Variants in TEX46 observed in about 807,000 individuals in gnomAD.
TEX46 encodes testis expressed 46.
TEX46 carries 6 observed loss-of-function variants against 5.3 expected under a neutral mutation model. The observed-to-expected ratio is 1.13, with a 90% CI of 0.62 to 2.23. TEX46 has a LOEUF of 2.23. Among genes scored for constraint, TEX46 ranks in the 30% most tolerant of loss-of-function variants. TEX46 has a pLI of 0.00. For missense variants in TEX46, 131 were observed against 150.9 expected, an observed-to-expected ratio of 0.87 and a Z score of 0.69; for synonymous variants, 41 against 54.6, an observed-to-expected ratio of 0.75 and a Z score of 1.10.
chr1:23,015,141 T>G (rs895751307), intron 1 of TEX46, among the ~76,000 whole-genome samples: 10 of 150,258 alleles, frequency 6.7e-5, no homozygotes, highest in African/African-American at 2.2e-4. Flanking sequence ...CCGTGCCCAG[T>G]GAAGACATCA....
rs1641384476 is a variant in TEX46 at position 23,013,876 on chromosome 1, T to C, written c.165+7A>G. 1.3e-6 allele frequency: 2 copies of C among 1,535,700 alleles called. No individual in the cohort carries two copies. Among genetic ancestry groups the C allele is most frequent in the Non-Finnish European group, 1.7e-6 (2 of 1,146,716 alleles). ...TGAGCTGAAGCCAAGCCCCATCTTG[T>C]GCTCACCTGCTGGGGCTCTGGGAGG... is the stretch of plus-strand genomic sequence containing the variant. On this transcript the variant is annotated splice_region_variant and intron_variant, in intron 2 of 2. Coordinates refer to ENST00000566855, the MANE Select transcript of TEX46 (RefSeq NM_001242521.2).
In TEX46 at chr1:23,015,846, C is replaced by A; in HGVS notation, c.-73G>T. 1.5e-6 allele frequency: 1 copy of A among 664,684 alleles called. No homozygotes were observed. The highest frequency in any genetic ancestry group is 2.7e-6 in the Non-Finnish European group (1 of 370,950). 41.2% of individuals were successfully genotyped at this position (664,684 alleles called of 1,614,324 possible). On this transcript the variant is annotated 5_prime_UTR_variant, in exon 1 of 3. Transcript: ENST00000566855. ...GGCTGCCAGGGTCTGGAAGGAGGGGCAAATGTAGTCATTGTTTAATGTATA... is the reference window on the plus strand; with the variant it reads ...GGCTGCCAGGGTCTGGAAGGAGGGGAAAATGTAGTCATTGTTTAATGTATA...
intron 2 of TEX46, among the ~76,000 whole-genome samples, chr1:23,012,437 T>C (rs1641364580): frequency 6.6e-6 from 1 of 151,942 alleles, no homozygotes; most frequent in South Asian, 2.1e-4. Flanking sequence ...AATACTCATA[T>C]TCCCATATCA....
chr1:23,010,865 G>C lies in TEX46; in HGVS notation c.*36C>G. The C allele has an allele frequency of 6.8e-7, 1 of 1,473,032 alleles. No individual in the cohort carries two copies. The highest frequency in any genetic ancestry group is 9.1e-7 in the Non-Finnish European group (1 of 1,095,584). The allele number at this position is 1,473,032 out of a possible 1,614,324, so 91.2% of individuals were successfully genotyped here. ...GTGACTGGGTTTTACTGAGGTAAAA[G>C]GTAACATCGGCAGAGGCCAGCCCGC... is the stretch of plus-strand genomic sequence containing the variant. On this transcript the variant is annotated 3_prime_UTR_variant, in exon 3 of 3. Transcript: ENST00000566855.
intron 1 of TEX46, 73 bp from the exon 2 acceptor site, chr1:23,014,118 C>A: frequency 6.8e-7 from 1 of 1,475,556 alleles, no homozygotes; most frequent in Non-Finnish European, 9.0e-7. Context: ...GCCTCAGGCC[C>A]CTCCATGACA....
rs1367255807 is a variant in TEX46 at position 23,014,057 on chromosome 1, T to C, written c.3-12A>G. 1 of 1,535,018 alleles carries C rather than the reference T, an allele frequency of 6.5e-7. No homozygotes were observed. The highest frequency in any genetic ancestry group is 1.4e-5 in the African/African-American group (1 of 73,104). ...TCCCATGGAGACTCCTAAAGAGAAATATCAGTTCTGCCAGCATTATGGCGT... is the reference window on the plus strand; with the variant it reads ...TCCCATGGAGACTCCTAAAGAGAAACATCAGTTCTGCCAGCATTATGGCGT... On this transcript the variant is annotated splice_polypyrimidine_tract_variant and intron_variant, in intron 1 of 2. Coordinates refer to ENST00000566855, the MANE Select transcript of TEX46 (RefSeq NM_001242521.2).
At chr1:23,013,077 C>T (rs1409335164) in intron 2 of TEX46, among the ~76,000 whole-genome samples, 2 of 152,030 alleles carry the variant, frequency 1.3e-5, no homozygotes, top group African/African-American at 4.8e-5. Flanking sequence ...GTTGCCTGGG[C>T]TATTCTCAAA....
chr1:23,011,046 T>C lies in TEX46; in HGVS notation c.221A>G (p.Asn74Ser). The change falls in exon 3 of 3, where the codon AAT becomes AGT. Residue 74 changes from asparagine to serine, a missense_variant. By Grantham distance (46) the Asn-to-Ser change is conservative. Transcript: ENST00000566855. ...TTTATTCCATATGATGAACATCTGA[T>C]TTTCTAGGACCTTCATCTTCATTTC... Reference protein sequence around the residue: ...FSEMKMKVLENQMFIIWNKMN... With the variant: ...FSEMKMKVLESQMFIIWNKMN... 1.3e-6 allele frequency: 2 copies of C among 1,536,044 alleles called. No homozygotes were observed. Among genetic ancestry groups the C allele is most frequent in the Non-Finnish European group, 1.7e-6 (2 of 1,146,854 alleles).
chr1:23,010,924 A>T lies in TEX46; in HGVS notation c.343T>A (p.Cys115Ser). ...HESICPTLSDCTSSSPS is the reference protein window; with the variant it reads ...HESICPTLSDSTSSSPS ...CATTAGCTGGGGGAACTCGAAGTAC[A>T]GTCAGACAGGGTGGGGCAAATTGAC... Residue 115 changes from cysteine (C) to serine (S), a missense_variant, in exon 3 of 3, where the codon TGT (cysteine) becomes AGT (serine). Transcript: ENST00000566855. 6.5e-7 allele frequency: 1 copy of T among 1,529,178 alleles called. No individual in the cohort carries two copies. Among genetic ancestry groups the T allele is most frequent in the Admixed American group, 2.0e-5 (1 of 50,906 alleles). 94.7% of individuals were successfully genotyped at this position (1,529,178 alleles called of 1,614,324 possible). A position where few individuals can be genotyped will look rare whatever the true frequency, so the allele number is the denominator to read the frequency against.
At chr1:23,013,307 G>A (rs1429172285) in intron 2 of TEX46, among the ~76,000 whole-genome samples, 2 of 152,064 alleles carry the variant, frequency 1.3e-5, no homozygotes, top group Non-Finnish European at 2.9e-5. Flanking sequence ...TGAGTAGCTG[G>A]TATTACAGGT....
In TEX46 at chr1:23,011,044, G is replaced by A. The variant is rs1641346332; in HGVS notation, c.223C>T (p.Gln75Ter). ...ATTTTATTCCATATGATGAACATCT[G>A]ATTTTCTAGGACCTTCATCTTCATT... is the stretch of plus-strand genomic sequence containing the variant. The part of the protein sequence containing the change: ...SEMKMKVLEN[Q>*]MFIIWNKMNH... The change falls in exon 3 of 3, where the codon CAG becomes TAG. Residue 75 changes from glutamine (Q) to a stop codon, truncating the protein, a stop_gained. Transcript: ENST00000566855. LOFTEE classifies it low-confidence loss of function (END_TRUNC). 6.5e-7 allele frequency: 1 copy of A among 1,535,986 alleles called. No homozygotes were observed. Among genetic ancestry groups the A allele is most frequent in the Middle Eastern group, 1.7e-4 (1 of 5,990 alleles).
At position 23,013,953 on chromosome 1, in the gene TEX46, A is replaced by C. The variant is rs887422534; in HGVS notation, c.95T>G (p.Phe32Cys). The change falls in exon 2 of 3, where the codon TTC (phenylalanine) becomes TGC (cysteine). Residue 32 changes from phenylalanine (F) to cysteine (C), a missense_variant. Phe to Cys is a radical substitution (Grantham distance 205). Transcript: ENST00000566855. ...CCAGTTGCTAAGCAACAGCAGAAGG[A>C]ATAGGAACCCAAACAAGGCTGGCTT... ...SYKPALFGFL[F>C]LLLLLSNWLV... The C allele has an allele frequency of 1.3e-6, 2 of 1,536,112 alleles. No individual in the cohort carries two copies. Among genetic ancestry groups the C allele is most frequent in the Non-Finnish European group, 1.7e-6 (2 of 1,146,886 alleles).
Position 23,012,242 on chromosome 1 carries a change from C to G in TEX46, c.166-1141G>C, listed in dbSNP as rs1641361032. Among the ~76,000 whole-genome samples the G allele has an allele frequency of 2.6e-5, 4 of 151,862 alleles. No homozygotes were observed. The South Asian group carries it at 8.3e-4, about 31-fold the overall frequency. On this transcript the variant is annotated intron_variant, in intron 2 of 2. Coordinates refer to ENST00000566855, the MANE Select transcript of TEX46 (RefSeq NM_001242521.2). ...CCTGTAGTCCCAGCTACTTGGGAGG[C>G]TGAGGTGGAAGGATCACCTGATCCC...
At chr1:23,012,544 T>A (rs1389154432) in intron 2 of TEX46, among the ~76,000 whole-genome samples, 2 of 152,236 alleles carry the variant, frequency 1.3e-5, no homozygotes, top group Non-Finnish European at 2.9e-5. Context: ...TCACCTTAAC[T>A]GTAATCCTGC....
rs1237750364 is a variant in TEX46 at position 23,015,799 on chromosome 1, T to C, written c.-26A>G. On this transcript the variant is annotated 5_prime_UTR_variant, in exon 1 of 3. It removes an upstream start codon present in the reference 5' UTR. Coordinates refer to ENST00000566855, the MANE Select transcript of TEX46 (RefSeq NM_001242521.2). ...GAGCTATCTACAATAGTCAAATTCATAGAGGCAAAGAGTAGAATGGTGGCT... is the reference window on the plus strand; with the variant it reads ...GAGCTATCTACAATAGTCAAATTCACAGAGGCAAAGAGTAGAATGGTGGCT... The C allele has an allele frequency of 4.3e-6, 3 of 698,602 alleles. No individual in the cohort carries two copies. The highest frequency in any genetic ancestry group is 5.2e-6 in the Non-Finnish European group (2 of 382,824). 43.3% of individuals were successfully genotyped at this position (698,602 alleles called of 1,614,324 possible).
At chr1:23,014,892 G>A (rs895792731) in intron 1 of TEX46, among the ~76,000 whole-genome samples, 12 of 151,784 alleles carry the variant, frequency 7.9e-5, no homozygotes, top group African/African-American at 2.9e-4. Flanking sequence ...GCCCAGGCTG[G>A]AGTGCACTGG....
At chr1:23,012,074 G>A (rs1314659418) in intron 2 of TEX46, among the ~76,000 whole-genome samples, 1 of 151,968 alleles carries the variant, frequency 6.6e-6, no homozygotes, top group Non-Finnish European at 1.5e-5. Flanking sequence ...ATTAAGCCAG[G>A]TGTGGTGGCT....
intron 2 of TEX46, among the ~76,000 whole-genome samples, chr1:23,011,863 T>C (rs1305855126): frequency 6.6e-6 from 1 of 152,150 alleles, no homozygotes; most frequent in Non-Finnish European, 1.5e-5. Flanking sequence ...AATATATCTA[T>C]CTCCAGAGCC....
chr1:23,011,110 C>A lies in TEX46; in HGVS notation c.166-9G>T. The A allele has an allele frequency of 6.5e-7, 1 of 1,534,934 alleles. No homozygotes were observed. The highest frequency in any genetic ancestry group is 8.7e-7 in the Non-Finnish European group (1 of 1,145,838). On this transcript the variant is annotated splice_polypyrimidine_tract_variant and intron_variant, in intron 2 of 2. Transcript: ENST00000566855. ...CGTTGGAGGATCTCGTCCTGGAGGG[C>A]AAAGCAGGCATGCGTTCTATTGACT...
Sources: gnomAD v4.1 joint callset for allele counts (sites outside exome capture counted in the v4.1 genomes callset) on GRCh38, gnomAD v4.1.1 for gene constraint, MANE v1.5 for transcripts, NCBI Gene and HGNC (gene_info 2026-07-23, HGNC 2026-07-21) for gene names.